Variants in PPEF1 observed in about 807,000 individuals in gnomAD.
PPEF1 encodes protein phosphatase with EF-hand domain 1.
Under a neutral mutation model 53.3 loss-of-function variants are expected in PPEF1, and 12 were observed. The observed-to-expected ratio is 0.23, with a 90% CI of 0.14 to 0.36. The LOEUF (loss-of-function observed/expected upper bound fraction) is 0.36. PPEF1 is among the 10% of genes least tolerant of loss of function. PPEF1 has a pLI of 1.00. For missense variants in PPEF1, 334 were observed against 490.4 expected, an observed-to-expected ratio of 0.68 and a Z score of 3.01; for synonymous variants, 165 against 176.7, an observed-to-expected ratio of 0.93 and a Z score of 0.52.
At chrX:18,801,159 G>A (rs1234389836) in intron 10 of PPEF1, among the ~76,000 whole-genome samples, 1 of 111,727 alleles carries the variant, frequency 9.0e-6, no homozygotes, top group Admixed American at 9.5e-5. Flanking sequence ...AATTCAGTGG[G>A]GAGAAAGGAG....
At chrX:18,820,534 T>C (rs1427240331) in intron 13 of PPEF1, among the ~76,000 whole-genome samples, 6 of 110,518 alleles carry the variant, frequency 5.4e-5, no homozygotes, top group Non-Finnish European at 9.5e-5. Flanking sequence ...TACAGGCGTG[T>C]GCCACCACGC....
Position 18,782,372 on chromosome X carries a change from C to T in PPEF1, c.732C>T (p.Gly244=). The change falls in exon 8 of 16, where the codon GGC becomes GGT. Residue 244 remains glycine (G), a synonymous_variant. Coordinates refer to ENST00000470157, the MANE Select transcript of PPEF1 (RefSeq NM_001377996.1). Reference sequence around the variant, plus strand: ...AAATCCCATTTTTTTTTAGGTATGGCTTCACGAAAGAAATTTTGCATAAAT... The same window carrying T: ...AAATCCCATTTTTTTTTAGGTATGGTTTCACGAAAGAAATTTTGCATAAAT... ...HEDFMMNLRY[G]FTKEILHKYK... 1 of 1,152,318 alleles carries T rather than the reference C, an allele frequency of 8.7e-7. No individual in the cohort carries two copies. The highest frequency in any genetic ancestry group is 1.9e-5 in the South Asian group (1 of 51,890). The allele number at this position is 1,152,318 out of a possible 1,213,427, so 95.0% of individuals were successfully genotyped here.
intron 6 of PPEF1, among the ~76,000 whole-genome samples, chrX:18,767,687 T>C (rs1163330610): frequency 8.9e-6 from 1 of 112,225 alleles, no homozygotes; most frequent in Non-Finnish European, 1.9e-5. Flanking sequence ...GCAATGCTTA[T>C]AGTATGAATG....
intron 14 of PPEF1, among the ~76,000 whole-genome samples, chrX:18,825,476 T>C (rs781276662): frequency 8.9e-6 from 1 of 112,164 alleles, no homozygotes; most frequent in South Asian, 3.7e-4. Flanking sequence ...TGTTCATTCT[T>C]GTTGTAGAGG....
chrX:18,806,122 A>C (rs2046656590), intron 11 of PPEF1, among the ~76,000 whole-genome samples: 1 of 111,368 alleles, frequency 9.0e-6, no homozygotes, highest in South Asian at 3.8e-4. Context: ...AACATTAAAG[A>C]GGATTCTGAG....
upstream of PPEF1, among the ~76,000 whole-genome samples, chrX:18,678,894 C>G (rs1012710825): frequency 9.0e-6 from 1 of 110,990 alleles, no homozygotes; most frequent in African/African-American, 3.3e-5. Flanking sequence ...CTCATTCAAT[C>G]TAATGGCTTT....
At chrX:18,694,225 A>C (rs1929581302) in intron 4 of PPEF1, among the ~76,000 whole-genome samples, 1 of 111,635 alleles carries the variant, frequency 9.0e-6, no homozygotes, top group Non-Finnish European at 1.9e-5. Flanking sequence ...AGCTGTTTTC[A>C]ATGTTTGACC....
chrX:18,731,288 G>C (rs1043116039), intron 2 of PPEF1, among the ~76,000 whole-genome samples: 3 of 112,345 alleles, frequency 2.7e-5, no homozygotes, highest in African/African-American at 9.7e-5. Flanking sequence ...GGGATGTTAA[G>C]AGGGACTTCT....
rs893235395 is a variant in PPEF1 at position 18,746,742 on chromosome X, A to G, written c.236-3050A>G. On this transcript the variant is annotated intron_variant, in intron 3 of 15. Coordinates refer to ENST00000470157, the MANE Select transcript of PPEF1 (RefSeq NM_001377996.1). ...ATAAATCGGTTATAAGTATATAAATAATACTGTAGGTATCGTGTAGCATAG... is the reference window on the plus strand; with the variant it reads ...ATAAATCGGTTATAAGTATATAAATGATACTGTAGGTATCGTGTAGCATAG... Among the ~76,000 whole-genome samples, 5 of 111,551 alleles carry G rather than the reference A, an allele frequency of 4.5e-5. No homozygotes were observed. In the Admixed American group the frequency reaches 4.8e-4, roughly 11 times the overall value.
chrX:18,807,053 G>A (rs558922679), intron 12 of PPEF1, among the ~76,000 whole-genome samples: 4 of 106,777 alleles, frequency 3.7e-5, no homozygotes, highest in African/African-American at 1.0e-4. Context: ...TTTTTGAGAC[G>A]GAGTCTCGCT....
At chrX:18,759,586 C>T (rs994058487) in intron 5 of PPEF1, among the ~76,000 whole-genome samples, 53 of 111,439 alleles carry the variant, frequency 4.8e-4, no homozygotes, top group Non-Finnish European at 9.0e-4. Context: ...GTTTTTCTTT[C>T]GCTGTCCAAC....
chrX:18,723,742 G>A (rs1455114603), intron 1 of PPEF1, among the ~76,000 whole-genome samples: 1 of 110,860 alleles, frequency 9.0e-6, no homozygotes, highest in African/African-American at 3.3e-5. Flanking sequence ...AATGTGAGCG[G>A]GAGAAGGTGT....
At chrX:18,759,993 TG>T (rs1442952569) in intron 5 of PPEF1, among the ~76,000 whole-genome samples, 1 of 112,028 alleles carries the variant, frequency 8.9e-6, no homozygotes, top group Non-Finnish European at 1.9e-5. Flanking sequence ...TCATTATTAT[TG>T]CTATTTTTTG....
At chrX:18,723,352 T>G (rs151079417) in intron 1 of PPEF1, among the ~76,000 whole-genome samples, 451 of 112,137 alleles carry the variant, frequency 4.0e-3, no homozygotes, top group African/African-American at 0.014. Context: ...AACTGGAATT[T>G]GTTAGCCTGG....
intron 4 of PPEF1, among the ~76,000 whole-genome samples, chrX:18,750,392 A>G (rs766928730): frequency 4.5e-5 from 5 of 111,920 alleles, no homozygotes; most frequent in Non-Finnish European, 7.5e-5. Context: ...TAGATATTTC[A>G]TGTAAATGAA....
chrX:18,722,332 T>A (rs1369147226), intron 1 of PPEF1, among the ~76,000 whole-genome samples: 1 of 112,119 alleles, frequency 8.9e-6, no homozygotes, highest in Non-Finnish European at 1.9e-5. Context: ...ATCAGCTGTG[T>A]CGCACTTGTG....
intron 7 of PPEF1, among the ~76,000 whole-genome samples, chrX:18,781,445 C>CA (rs2046083593): frequency 9.0e-6 from 1 of 111,075 alleles, no homozygotes; most frequent in African/African-American, 3.3e-5. Context: ...AAAAGAGGCT[C>CA]AGAAGAGCCA....
rs903403114 is a variant in PPEF1, at chrX:18,727,338, G to A, written c.47-2843G>A. Among the ~76,000 whole-genome samples the A allele has an allele frequency of 2.7e-5, 3 of 111,341 alleles. No individual in the cohort carries two copies. In the Admixed American group the frequency reaches 2.9e-4, roughly 11 times the overall value. ...AGGGTGATTCATCATGATAGCGACT[G>A]TCCCACAGAACAGGCCTTTCAGGTG... On this transcript the variant is annotated intron_variant, in intron 1 of 15. Transcript: ENST00000470157.
intron 1 of PPEF1, among the ~76,000 whole-genome samples, chrX:18,709,303 T>C (rs1267026585): frequency 8.9e-6 from 1 of 111,976 alleles, no homozygotes; most frequent in Non-Finnish European, 1.9e-5. Context: ...TCTCTATGGA[T>C]TTATCTATTC....
Sources: allele counts gnomAD v4.1 joint callset (sites outside exome capture counted in the v4.1 genomes callset), GRCh38; gene constraint gnomAD v4.1.1; transcripts MANE v1.5; gene names NCBI Gene and HGNC (gene_info 2026-07-23, HGNC 2026-07-21).